MMP16: variants seen among roughly 807,000 people sequenced by gnomAD.
MMP16 encodes the protein matrix metalloproteinase-16.
MMP16 carries 12 observed loss-of-function variants against 67.8 expected under a neutral mutation model. The observed-to-expected ratio is 0.18, with a 90% CI of 0.11 to 0.29. The LOEUF (loss-of-function observed/expected upper bound fraction) is 0.29. MMP16 is among the 10% of genes least tolerant of loss of function. The pLI is 1.00. For synonymous variants in MMP16, 249 were observed against 255.9 expected, an observed-to-expected ratio of 0.97 and a Z score of 0.26; for missense variants, 475 against 765.7, an observed-to-expected ratio of 0.62 and a Z score of 4.48.
chr8:88,186,657 C>T (rs1413785185), intron 2 of MMP16, 59 bp from the exon 3 acceptor site: 5 of 1,531,448 alleles, frequency 3.3e-6, no homozygotes, highest in Non-Finnish European at 4.4e-6. Context: ...ACTAACAACC[C>T]TAATCATTAA....
chr8:88,088,472 T>A (rs1808880876), intron 6 of MMP16, among the ~76,000 whole-genome samples: 1 of 151,948 alleles, frequency 6.6e-6, no homozygotes, highest in Non-Finnish European at 1.5e-5. Flanking sequence ...CCAGGCTGAA[T>A]GAGAGATTTG....
intron 6 of MMP16, among the ~76,000 whole-genome samples, chr8:88,112,669 G>GTGTGTGTGTGTGTGTGTGTC (rs1809357372): frequency 6.9e-6 from 1 of 145,968 alleles, no homozygotes; most frequent in Admixed American, 7.0e-5. Context: ...ACAGAAGGGT[G>GTGTGTGTGTGTGTGTGTGTC]TGTGTGTGTG....
intron 1 of MMP16, among the ~76,000 whole-genome samples, chr8:88,253,483 A>G (rs563350233): frequency 2.6e-5 from 4 of 152,202 alleles, no homozygotes; most frequent in African/African-American, 9.6e-5. Flanking sequence ...TGAAAATGGC[A>G]ACAGTCCTCT....
chr8:88,252,256 A>G (rs1810236977), intron 1 of MMP16, among the ~76,000 whole-genome samples: 1 of 152,142 alleles, frequency 6.6e-6, no homozygotes, highest in Non-Finnish European at 1.5e-5. Context: ...AATGTCCTCT[A>G]GTCTTTATGA....
chr8:88,315,164 A>C (rs1378649072), intron 1 of MMP16, among the ~76,000 whole-genome samples: 2 of 152,200 alleles, frequency 1.3e-5, no homozygotes, highest in Non-Finnish European at 2.9e-5. Flanking sequence ...CACTTCACAG[A>C]TAATGTATTT....
chr8:88,119,959 C>A (rs1807791047), intron 4 of MMP16, among the ~76,000 whole-genome samples: 1 of 151,976 alleles, frequency 6.6e-6, no homozygotes, highest in Admixed American at 6.6e-5. Context: ...CTTCAGAAGA[C>A]TATTTTTTGA....
At chr8:88,262,983 C>T (rs1299080158) in intron 1 of MMP16, among the ~76,000 whole-genome samples, 1 of 151,240 alleles carries the variant, frequency 6.6e-6, no homozygotes, top group Non-Finnish European at 1.5e-5. Context: ...CGAGATCGCG[C>T]CACTGCACTC....
rs909696654 is a variant in MMP16, at chr8:88,116,708, G to A, written c.882C>T (p.Asp294=). The A allele has an allele frequency of 3.7e-6, 6 of 1,613,308 alleles. No homozygotes were observed. The African/African-American group carries it at 5.3e-5, about 14-fold the overall frequency. The change falls in exon 6 of 10, where the codon GAC becomes GAT. Residue 294 remains aspartate (D), a synonymous_variant. Transcript: ENST00000286614. ...GAGGTCTTGTAGGTGGAGGAATCTT[G>A]TCAGGTGGACCTTTTGAAAATATGA... ...QGIQKIYGPP[D]KIPPPTRPLP...
intron 3 of MMP16, among the ~76,000 whole-genome samples, chr8:88,181,617 G>A (rs1020747856): frequency 6.6e-6 from 1 of 151,248 alleles, no homozygotes; most frequent in Admixed American, 6.6e-5. Flanking sequence ...ATGAACTATA[G>A]ATACAATGCA....
At chr8:88,211,304 T>C (rs1041182980) in intron 1 of MMP16, among the ~76,000 whole-genome samples, 6 of 152,108 alleles carry the variant, frequency 3.9e-5, no homozygotes, top group Admixed American at 6.6e-5. Context: ...AGCCACAAGG[T>C]TGTAAGTTAT....
chr8:88,205,695 T>C (rs774416636), intron 1 of MMP16, among the ~76,000 whole-genome samples: 2 of 152,158 alleles, frequency 1.3e-5, no homozygotes, highest in Non-Finnish European at 2.9e-5. Context: ...AGCACTTTCT[T>C]ACTATAGTCT....
At chr8:88,159,863 G>A (rs550855078) in intron 4 of MMP16, among the ~76,000 whole-genome samples, 80 of 152,062 alleles carry the variant, frequency 5.3e-4, no homozygotes, top group African/African-American at 1.7e-3. Context: ...TTTTGTCAAA[G>A]GCCTTTTCTG....
intron 3 of MMP16, among the ~76,000 whole-genome samples, chr8:88,179,111 C>T (rs916774877): frequency 1.3e-5 from 2 of 151,736 alleles, no homozygotes; most frequent in Non-Finnish European, 1.5e-5. Flanking sequence ...ACTCTGAGAA[C>T]ATGAAACAGT....
intron 3 of MMP16, among the ~76,000 whole-genome samples, chr8:88,183,306 A>C (rs1182645999): frequency 6.6e-6 from 1 of 152,188 alleles, no homozygotes; most frequent in Non-Finnish European, 1.5e-5. Context: ...TGGAGTATAT[A>C]AGGGATAGAG....
At chr8:88,142,718 T>C (rs756926388) in intron 4 of MMP16, among the ~76,000 whole-genome samples, 29 of 152,130 alleles carry the variant, frequency 1.9e-4, no homozygotes, top group Non-Finnish European at 5.9e-5. Flanking sequence ...TTAATATTTA[T>C]TATTTACCAG....
chr8:88,225,264 TA>T (rs1213846876), intron 1 of MMP16, among the ~76,000 whole-genome samples: 1 of 152,004 alleles, frequency 6.6e-6, no homozygotes, highest in Non-Finnish European at 1.5e-5. Flanking sequence ...TATTTCAAAT[TA>T]AAACTTAACA....
intron 1 of MMP16, among the ~76,000 whole-genome samples, chr8:88,221,306 T>C (rs1194475951): frequency 6.6e-6 from 1 of 152,026 alleles, no homozygotes; most frequent in Non-Finnish European, 1.5e-5. Flanking sequence ...AATGGTGAAA[T>C]CTGAAAGTAC....
chr8:88,263,732 A>AGG (rs1810426205), intron 1 of MMP16, among the ~76,000 whole-genome samples: 1 of 152,080 alleles, frequency 6.6e-6, no homozygotes, highest in African/African-American at 2.4e-5. Flanking sequence ...GGCTCACCCT[A>AGG]ATCACTTAAT....
chr8:88,068,497 A>G (rs1281581248), intron 7 of MMP16, among the ~76,000 whole-genome samples: 3 of 152,034 alleles, frequency 2.0e-5, no homozygotes, highest in Non-Finnish European at 4.4e-5. Context: ...TTTGTATCCT[A>G]TGTTTTATCT....
Sources: allele counts gnomAD v4.1 joint callset (sites outside exome capture counted in the v4.1 genomes callset), GRCh38; gene constraint gnomAD v4.1.1; transcripts MANE v1.5; gene names NCBI Gene and HGNC (gene_info 2026-07-23, HGNC 2026-07-21).